The following CPEB3 variants were observed in gnomAD, a reference collection of about 807,000 sequenced individuals.
CPEB3 encodes cytoplasmic polyadenylation element-binding protein 3.
A neutral mutation model predicts 67.2 loss-of-function variants in CPEB3; 20 were observed. The ratio of observed to expected loss-of-function variants is 0.30; its 90% CI spans 0.21 to 0.43. CPEB3 has a LOEUF of 0.43. Among genes scored for constraint, CPEB3 ranks in the 20% least tolerant of loss-of-function variants. The probability of loss-of-function intolerance (pLI) is 1.00; values close to 1 mark genes in which losing one functional copy is unlikely to be tolerated. For missense variants in CPEB3, 746 were observed against 968.6 expected (o/e 0.77, Z 3.05); for synonymous variants, 376 against 393.1 (o/e 0.96, Z 0.51).
rs1849251562 is a variant in CPEB3 at position 92,196,693 on chromosome 10, G to C, written c.1006-4057C>G. Among the ~76,000 whole-genome samples, 3 of 152,090 alleles carry C rather than the reference G, an allele frequency of 2.0e-5. 1 individual carries two copies. Among genetic ancestry groups the C allele is most frequent in the Middle Eastern group, 6.8e-3 (2 of 294 alleles). ...TGAGGCAGGAGAATCGCTTGAACTG[G>C]GGAGGCGGAGGTTGCAGTGAGCCGA... is the stretch of plus-strand genomic sequence containing the variant. On this transcript the variant is annotated intron_variant, in intron 2 of 9. Coordinates refer to ENST00000265997, the MANE Select transcript of CPEB3 (RefSeq NM_014912.5).
chr10:92,196,766 C>CA (rs563620027), intron 2 of CPEB3, among the ~76,000 whole-genome samples: 13,905 of 112,966 alleles, frequency 0.12, 2,397 homozygotes, highest in African/African-American at 0.4. Context: ...GACTCCGTCT[C>CA]AAAAAAAAAA....
intron 8 of CPEB3, among the ~76,000 whole-genome samples, chr10:92,083,902 C>T (rs556556759): frequency 1.3e-5 from 2 of 152,156 alleles, no homozygotes; most frequent in South Asian, 2.1e-4. Flanking sequence ...TCTTCAGGAT[C>T]GCCGGGCACG....
intron 6 of CPEB3, among the ~76,000 whole-genome samples, chr10:92,134,340 T>G (rs1490287051): frequency 6.6e-6 from 1 of 151,934 alleles, no homozygotes; most frequent in Non-Finnish European, 1.5e-5. Flanking sequence ...AAAATCAATA[T>G]GCAAAAATCA....
chr10:92,249,214 TAA>T (rs1487504545), intron 1 of CPEB3, among the ~76,000 whole-genome samples: 1 of 151,844 alleles, frequency 6.6e-6, no homozygotes, highest in African/African-American at 2.4e-5. Flanking sequence ...CCATCTCTAC[TAA>T]AAACACAAAA....
intron 2 of CPEB3, among the ~76,000 whole-genome samples, chr10:92,201,252 G>A (rs1849510042): frequency 6.6e-6 from 1 of 152,174 alleles, no homozygotes; most frequent in Non-Finnish European, 1.5e-5. Flanking sequence ...ATTAGGCCGG[G>A]CACGGTGGCT....
At chr10:92,066,351 A>G (rs1250444876) in intron 9 of CPEB3, among the ~76,000 whole-genome samples, 2 of 151,902 alleles carry the variant, frequency 1.3e-5, no homozygotes, top group Non-Finnish European at 2.9e-5. Context: ...ACTTGAGCCC[A>G]GGAGTTCAAG....
intron 6 of CPEB3, among the ~76,000 whole-genome samples, chr10:92,121,419 G>T (rs535110297): frequency 6.7e-6 from 1 of 148,720 alleles, no homozygotes; most frequent in Non-Finnish European, 1.5e-5. Flanking sequence ...GCGCGTGAGC[G>T]AGCATGCACG....
chr10:92,225,014 C>T (rs369899867), intron 2 of CPEB3, among the ~76,000 whole-genome samples: 5 of 149,142 alleles, frequency 3.4e-5, no homozygotes, highest in South Asian at 2.1e-4. Flanking sequence ...CACACTCTGT[C>T]GCCAGGCTGG....
chr10:92,289,873 TTAAAC>T (rs1842760150), intron 1 of CPEB3, among the ~76,000 whole-genome samples: 1 of 121,792 alleles, frequency 8.2e-6, no homozygotes, highest in Non-Finnish European at 1.5e-5. Flanking sequence ...GACACCCCGA[TTAAAC>T]TAAATACTCA....
Position 92,240,380 on chromosome 10 carries a change from G to C in CPEB3, c.-11-19C>G. 6.9e-7 allele frequency: 1 copy of C among 1,438,916 alleles called. No homozygotes were observed. Among genetic ancestry groups the C allele is most frequent in the Non-Finnish European group, 9.2e-7 (1 of 1,091,850 alleles). 89.1% of individuals were successfully genotyped at this position (1,438,916 alleles called of 1,614,324 possible). A position where few individuals can be genotyped will look rare whatever the true frequency, so the allele number is the denominator to read the frequency against. On this transcript the variant is annotated intron_variant, in intron 1 of 9. Coordinates refer to ENST00000265997, the MANE Select transcript of CPEB3 (RefSeq NM_014912.5). The stretch of plus-strand genomic sequence containing the variant: ...TGCGCAGCTGAAACGGGAAAAAAGA[G>C]AGACGCGTTATTGTCAATGTGATCA...
intron 9 of CPEB3, among the ~76,000 whole-genome samples, chr10:92,056,728 G>A (rs4933712): frequency 0.27 from 41,417 of 152,066 alleles, 6,849 homozygotes; most frequent in Admixed American, 0.36. Context: ...CGGGGGGCAC[G>A]TGGACTACTG....
chr10:92,216,649 C>A (rs952292418), intron 2 of CPEB3: 21 of 1,607,154 alleles, frequency 1.3e-5, no homozygotes, highest in Non-Finnish European at 1.7e-5. Flanking sequence ...TGCCCTATGT[C>A]TATATCCCCT....
chr10:92,102,520 T>A (rs185713827), intron 7 of CPEB3, among the ~76,000 whole-genome samples: 103 of 152,320 alleles, frequency 6.8e-4, no homozygotes, highest in South Asian at 2.5e-3. Flanking sequence ...GAGCCTATTA[T>A]CTGATGCAAG....
chr10:92,205,605 T>A (rs1014196927), intron 2 of CPEB3, among the ~76,000 whole-genome samples: 6 of 151,238 alleles, frequency 4.0e-5, no homozygotes, highest in Admixed American at 6.7e-5. Context: ...GCCTCCTGAG[T>A]AGCTGGGATT....
chr10:92,052,076 TA>T lies in CPEB3; in HGVS notation c.*135del. 5.0e-6 allele frequency: 3 copies of T among 603,950 alleles called. No homozygotes were observed. The highest frequency in any genetic ancestry group is 4.2e-5 in the South Asian group (2 of 47,156). The allele number at this position is 603,950 out of a possible 1,614,324, so 37.4% of individuals were successfully genotyped here. A position where few individuals can be genotyped will look rare whatever the true frequency, so the allele number is the denominator to read the frequency against. Reference sequence around the variant, plus strand: ...TGACTGTAAATAATAATAATAATAATAAAAAGACCCAATTCTTCTTTAAAAA... The same window carrying T: ...TGACTGTAAATAATAATAATAATAATAAAAGACCCAATTCTTCTTTAAAAA... On this transcript the variant is annotated 3_prime_UTR_variant, in exon 10 of 10. Coordinates refer to ENST00000265997, the MANE Select transcript of CPEB3 (RefSeq NM_014912.5).
chr10:92,126,266 G>A (rs1321011517), intron 6 of CPEB3, among the ~76,000 whole-genome samples: 1 of 152,140 alleles, frequency 6.6e-6, no homozygotes, highest in Non-Finnish European at 1.5e-5. Flanking sequence ...CAGCCTCCAT[G>A]ATACCTGGTT....
chr10:92,150,204 G>A (rs1260061228), intron 4 of CPEB3, among the ~76,000 whole-genome samples: 2 of 151,868 alleles, frequency 1.3e-5, no homozygotes, highest in Admixed American at 6.6e-5. Flanking sequence ...AATGGTTCAC[G>A]TGGTATTTCC....
At chr10:92,109,256 A>AT (rs777164003) in intron 7 of CPEB3, among the ~76,000 whole-genome samples, 438 of 140,714 alleles carry the variant, frequency 3.1e-3, no homozygotes, top group Middle Eastern at 0.011. Flanking sequence ...TTGGGTACAG[A>AT]TTTTTTTTTT....
intron 4 of CPEB3, among the ~76,000 whole-genome samples, chr10:92,178,222 G>A (rs1252603509): frequency 1.3e-5 from 2 of 150,152 alleles, no homozygotes; most frequent in Non-Finnish European, 1.5e-5. Flanking sequence ...GCAGTGGCGT[G>A]ATCTCGGCTC....
Sources: gnomAD v4.1 joint callset for allele counts (sites outside exome capture counted in the v4.1 genomes callset) on GRCh38, gnomAD v4.1.1 for gene constraint, MANE v1.5 for transcripts, NCBI Gene and HGNC (gene_info 2026-07-23, HGNC 2026-07-21) for gene names.